Variants in RTN1 observed in about 807,000 individuals in gnomAD.
RTN1 encodes reticulon-1.
RTN1 carries 25 observed loss-of-function variants against 65.5 expected under a neutral mutation model. The observed-to-expected ratio is 0.38, with a 90% CI of 0.28 to 0.53. RTN1 has a LOEUF of 0.53. Ranked by LOEUF, RTN1 falls within the 20% of genes least tolerant of loss-of-function variation. The pLI, the probability that RTN1 is intolerant of heterozygous loss-of-function variation, is 0.79. For synonymous variants in RTN1, 471 were observed against 447.6 expected (o/e 1.05, Z -0.66); for missense variants, 983 against 1,025.4 (o/e 0.96, Z 0.57).
chr14:59,605,512 A>T lies in RTN1; in HGVS notation c.1974-6T>A. Reference sequence around the variant, plus strand: ...TCTCAAGCTCCAAGTAGGCCCTGTCAACAAACCATTCCCACAGAAAATTCC... The same window carrying T: ...TCTCAAGCTCCAAGTAGGCCCTGTCTACAAACCATTCCCACAGAAAATTCC... On this transcript the variant is annotated splice_polypyrimidine_tract_variant and splice_region_variant and intron_variant, in intron 4 of 8. Coordinates refer to ENST00000267484, the MANE Select transcript of RTN1 (RefSeq NM_021136.3). 1 of 1,613,364 alleles carries T rather than the reference A, an allele frequency of 6.2e-7. No homozygotes were observed. Among genetic ancestry groups the T allele is most frequent in the Non-Finnish European group, 8.5e-7 (1 of 1,179,754 alleles).
chr14:59,760,799 G>T (rs1334458135), intron 1 of RTN1, among the ~76,000 whole-genome samples: 1 of 152,124 alleles, frequency 6.6e-6, no homozygotes, highest in Non-Finnish European at 1.5e-5. Flanking sequence ...TTTTTGTTTG[G>T]TAAGTACTTA....
rs1251560928 is a variant in RTN1 at position 59,749,248 on chromosome 14, C to A, written c.242-2767G>T. 4.4e-4 allele frequency among the ~76,000 whole-genome samples: 14 copies of A among 32,058 alleles called. 2 individuals carry two copies. Among genetic ancestry groups the A allele is most frequent in the Non-Finnish European group, 5.0e-4 (10 of 19,872 alleles). 21.0% of individuals were successfully genotyped at this position (32,058 alleles called of 152,430 possible). On this transcript the variant is annotated intron_variant, in intron 1 of 8. Transcript: ENST00000267484. ...TATATCTATATATATCTATATATAT[C>A]TATATATCTATATATATCTATATAT...
chr14:59,702,654 T>C (rs1259236265), intron 3 of RTN1, among the ~76,000 whole-genome samples: 5 of 152,202 alleles, frequency 3.3e-5, no homozygotes, highest in Non-Finnish European at 5.9e-5. Flanking sequence ...CTGCCACTAC[T>C]ACAACCCTGT....
chr14:59,692,578 G>C (rs1440427620), intron 3 of RTN1, among the ~76,000 whole-genome samples: 2 of 151,908 alleles, frequency 1.3e-5, no homozygotes, highest in Non-Finnish European at 2.9e-5. Context: ...AATTCATATG[G>C]AACCAAAAAG....
At chr14:59,613,997 G>A (rs145957965) in intron 3 of RTN1, among the ~76,000 whole-genome samples, 283 of 152,260 alleles carry the variant, frequency 1.9e-3, no homozygotes, top group African/African-American at 6.5e-3. Flanking sequence ...TAGTAGTTAT[G>A]GAGGGATACT....
At chr14:59,869,058 T>C (rs1887844246) in intron 1 of RTN1, among the ~76,000 whole-genome samples, 1 of 152,060 alleles carries the variant, frequency 6.6e-6, no homozygotes, top group Non-Finnish European at 1.5e-5. Flanking sequence ...CTTTTCTTTC[T>C]TTCTTTTTCT....
chr14:59,709,983 C>CCCTT (rs556997260), intron 3 of RTN1, among the ~76,000 whole-genome samples: 3 of 148,032 alleles, frequency 2.0e-5, no homozygotes, highest in Admixed American at 1.3e-4. Flanking sequence ...CTCCCTCCCT[C>CCCTT]CCTTCCTTCC....
rs186231927 is a variant in RTN1 at position 59,628,022 on chromosome 14, G to A, written c.1766-20530C>T. On this transcript the variant is annotated intron_variant, in intron 3 of 8. Transcript: ENST00000267484. ...TATCCTGGACCTCTGCTGGTCTATG[G>A]GTTTGGCTCACTAAGAATTATTACA... Among the ~76,000 whole-genome samples the A allele has an allele frequency of 5.2e-3, 787 of 151,714 alleles. 1 individual carries two copies. Among genetic ancestry groups the A allele is most frequent in the Non-Finnish European group, 8.8e-3 (601 of 67,926 alleles).
rs1887089531 is a variant in RTN1 at position 59,829,483 on chromosome 14, A to G, written c.241+40907T>C. ...TGTAAGTAACACCCATGGGGGAAGT[A>G]CTGAAGAAGGCTATATGGGATTTTT... is the stretch of plus-strand genomic sequence containing the variant. On this transcript the variant is annotated intron_variant, in intron 1 of 8. Coordinates refer to ENST00000267484, the MANE Select transcript of RTN1 (RefSeq NM_021136.3). The surrounding 1 kb of genome is among the most constrained non-coding windows in gnomAD (Gnocchi z 4.3). 6.6e-6 allele frequency among the ~76,000 whole-genome samples: 1 copy of G among 152,272 alleles called. No homozygotes were observed. The highest frequency in any genetic ancestry group is 2.4e-5 in the African/African-American group (1 of 41,476).
chr14:59,703,761 T>C (rs1884231074), intron 3 of RTN1, among the ~76,000 whole-genome samples: 1 of 152,202 alleles, frequency 6.6e-6, no homozygotes, highest in South Asian at 2.1e-4. Flanking sequence ...TAACAACAAA[T>C]ATTTGTTATA....
chr14:59,858,365 T>A (rs903934019), intron 1 of RTN1, among the ~76,000 whole-genome samples: 3 of 152,140 alleles, frequency 2.0e-5, no homozygotes, highest in Non-Finnish European at 4.4e-5. Flanking sequence ...CAGAGTGAGC[T>A]GAAAAATTCA....
At chr14:59,646,703 G>C (rs2140195892) in intron 3 of RTN1, among the ~76,000 whole-genome samples, 1 of 152,236 alleles carries the variant, frequency 6.6e-6, no homozygotes, top group Non-Finnish European at 1.5e-5. Context: ...ACCTTCCTCA[G>C]TGAAGAAGAA....
intron 3 of RTN1, among the ~76,000 whole-genome samples, chr14:59,629,993 G>C (rs1384474813): frequency 1.3e-5 from 2 of 152,138 alleles, no homozygotes; most frequent in African/African-American, 4.8e-5. Flanking sequence ...CCTGAAATGG[G>C]TGTGTCCCTC....
At chr14:59,783,157 T>A (rs1335485294) in intron 1 of RTN1, among the ~76,000 whole-genome samples, 1 of 152,200 alleles carries the variant, frequency 6.6e-6, no homozygotes, top group South Asian at 2.1e-4. Flanking sequence ...CAAATCTATA[T>A]GTTGATCCCT....
chr14:59,767,326 T>C (rs1442165670), intron 1 of RTN1, among the ~76,000 whole-genome samples: 1 of 152,218 alleles, frequency 6.6e-6, no homozygotes, highest in Admixed American at 6.5e-5. Context: ...TGAGCTAAAC[T>C]GTGAACATGG....
At chr14:59,709,961 A>G (rs995198395) in intron 3 of RTN1, among the ~76,000 whole-genome samples, 35 of 151,548 alleles carry the variant, frequency 2.3e-4, no homozygotes, top group Admixed American at 2.0e-3. Context: ...CTTCCTTTTT[A>G]ATTTTATTTC....
chr14:59,795,646 C>G (rs1293281252), intron 1 of RTN1, among the ~76,000 whole-genome samples: 3 of 152,188 alleles, frequency 2.0e-5, no homozygotes, highest in Non-Finnish European at 4.4e-5. Flanking sequence ...AAGGAAGCTG[C>G]ATTCACCTCT....
intron 1 of RTN1, among the ~76,000 whole-genome samples, chr14:59,810,811 G>A (rs948215224): frequency 6.6e-6 from 1 of 152,290 alleles, no homozygotes; most frequent in African/African-American, 2.4e-5. Flanking sequence ...TATGTTGCGT[G>A]TAGAGAACTA....
intron 3 of RTN1, among the ~76,000 whole-genome samples, chr14:59,725,840 C>G (rs1884746375): frequency 6.6e-6 from 1 of 152,206 alleles, no homozygotes; most frequent in South Asian, 2.1e-4. Context: ...TTAACTGCCG[C>G]TAACATCATT....
Sources: allele counts gnomAD v4.1 joint callset (sites outside exome capture counted in the v4.1 genomes callset), GRCh38; gene constraint gnomAD v4.1.1; non-coding constraint Gnocchi (gnomAD v3.1); transcripts MANE v1.5; gene names NCBI Gene and HGNC (gene_info 2026-07-23, HGNC 2026-07-21).